LDLRAD4: variants seen among roughly 807,000 people sequenced by gnomAD.
LDLRAD4 encodes the protein low-density lipoprotein receptor class A domain-containing protein 4.
LDLRAD4 carries 5 observed loss-of-function variants against 17.0 expected under a neutral mutation model. That is an observed-to-expected ratio of 0.29 (90% CI 0.15 to 0.62). The LOEUF is 0.62. LDLRAD4 is among the 20% of genes least tolerant of loss of function. The pLI is 0.84. For synonymous variants in LDLRAD4, 168 were observed against 171.8 expected, an observed-to-expected ratio of 0.98 and a Z score of 0.17; for missense variants, 340 against 424.7, an observed-to-expected ratio of 0.80 and a Z score of 1.75.
exon 6 of LDLRAD4, chr18:13,649,571 G>A (rs191864660): frequency 6.6e-6 from 1 of 152,652 alleles, no homozygotes; most frequent in Non-Finnish European, 1.5e-5. Context: ...CAGGCTCAGA[G>A]ACATTCTGCT....
chr18:13,341,805 A>G (rs9957082), intron 1 of LDLRAD4, among the ~76,000 whole-genome samples: 13,200 of 152,150 alleles, frequency 0.087, 1,626 homozygotes, highest in African/African-American at 0.27. Context: ...TTCTTGTCTT[A>G]TTCCTTATCT....
intron 3 of LDLRAD4, among the ~76,000 whole-genome samples, chr18:13,561,135 G>T (rs1159009951): frequency 1.5e-5 from 1 of 65,102 alleles, no homozygotes; most frequent in Non-Finnish European, 3.6e-5. Flanking sequence ...GGAACATCCT[G>T]CAGATATTCA....
intron 3 of LDLRAD4, among the ~76,000 whole-genome samples, chr18:13,603,225 C>T (rs1395576957): frequency 1.3e-5 from 2 of 152,132 alleles, no homozygotes; most frequent in African/African-American, 2.4e-5. Flanking sequence ...CAGTTTGTTT[C>T]TAGGACCATC....
At chr18:13,327,205 G>A (rs2081583104) in intron 1 of LDLRAD4, among the ~76,000 whole-genome samples, 1 of 152,062 alleles carries the variant, frequency 6.6e-6, no homozygotes, top group Non-Finnish European at 1.5e-5. Context: ...AAATGATGAT[G>A]TTAGTGATGG....
At chr18:13,353,691 A>G (rs1335191108) in intron 1 of LDLRAD4, among the ~76,000 whole-genome samples, 1 of 152,234 alleles carries the variant, frequency 6.6e-6, no homozygotes, top group Non-Finnish European at 1.5e-5. Context: ...AAATTAGGTC[A>G]GGTCTACTCC....
At chr18:13,596,593 C>T (rs937412643) in intron 3 of LDLRAD4, among the ~76,000 whole-genome samples, 2 of 152,112 alleles carry the variant, frequency 1.3e-5, no homozygotes, top group Non-Finnish European at 2.9e-5. Flanking sequence ...TTTATGCTCT[C>T]CTTGTTATAC....
intron 2 of LDLRAD4, among the ~76,000 whole-genome samples, chr18:13,392,729 T>G (rs967077094): frequency 6.6e-6 from 1 of 152,222 alleles, no homozygotes; most frequent in Non-Finnish European, 1.5e-5. Context: ...TTAATTTTCT[T>G]AGGCTTTTTA....
chr18:13,273,896 G>A (rs1393261938), upstream of LDLRAD4, among the ~76,000 whole-genome samples: 1 of 152,114 alleles, frequency 6.6e-6, no homozygotes, highest in Non-Finnish European at 1.5e-5. Flanking sequence ...GCTTCTTAGG[G>A]GCCCATGGCT....
At chr18:13,416,493 C>CT (rs2145779865) in intron 2 of LDLRAD4, among the ~76,000 whole-genome samples, 1 of 152,290 alleles carries the variant, frequency 6.6e-6, no homozygotes, top group African/African-American at 2.4e-5. Context: ...GATCACGTCT[C>CT]TGCTATAGAG....
intron 3 of LDLRAD4, among the ~76,000 whole-genome samples, chr18:13,586,229 A>G (rs1043033613): frequency 4.0e-5 from 6 of 151,610 alleles, no homozygotes; most frequent in Non-Finnish European, 8.8e-5. Context: ...CCAACATGGC[A>G]AAACCCCGTC....
At chr18:13,642,882 C>T (rs957417354) in intron 4 of LDLRAD4, 2 of 483,124 alleles carry the variant, frequency 4.1e-6, no homozygotes, top group Non-Finnish European at 6.6e-6. Context: ...GGCTCTTTCT[C>T]GCTCCACGTT....
At chr18:13,602,468 C>T (rs184218117) in intron 3 of LDLRAD4, among the ~76,000 whole-genome samples, 3 of 149,404 alleles carry the variant, frequency 2.0e-5, no homozygotes. Flanking sequence ...TTTTATCAGA[C>T]ATCATTCTTA....
At chr18:13,483,604 G>A (rs1221248576) in intron 3 of LDLRAD4, among the ~76,000 whole-genome samples, 1 of 152,170 alleles carries the variant, frequency 6.6e-6, no homozygotes, top group Non-Finnish European at 1.5e-5. Flanking sequence ...CAGGCTTCTG[G>A]CCCCTAGTCG....
intron 1 of LDLRAD4, among the ~76,000 whole-genome samples, chr18:13,250,773 G>C (rs1304154022): frequency 1.3e-5 from 2 of 152,180 alleles, no homozygotes; most frequent in Non-Finnish European, 2.9e-5. Context: ...GGACTGGATG[G>C]CTTCATTGCT....
intron 5 of LDLRAD4, among the ~76,000 whole-genome samples, chr18:13,644,204 T>TA (rs2042862361): frequency 6.6e-6 from 1 of 152,142 alleles, no homozygotes; most frequent in African/African-American, 2.4e-5. Flanking sequence ...CTTCTCTAAG[T>TA]AATTAATAAA....
chr18:13,321,908 G>T (rs377576382), intron 1 of LDLRAD4, among the ~76,000 whole-genome samples: 1 of 92,350 alleles, frequency 1.1e-5, no homozygotes, highest in South Asian at 4.1e-4. Context: ...AAAAAGAAAA[G>T]AAAAAGAATA....
chr18:13,422,868 C>T (rs1188785662), intron 2 of LDLRAD4, among the ~76,000 whole-genome samples: 3 of 152,218 alleles, frequency 2.0e-5, no homozygotes, highest in Admixed American at 2.0e-4. Flanking sequence ...TGGGCTGTAG[C>T]TGCTTGCCGC....
intron 3 of LDLRAD4, among the ~76,000 whole-genome samples, chr18:13,512,313 A>G (rs759199554): frequency 5.9e-5 from 9 of 152,184 alleles, no homozygotes; most frequent in African/African-American, 1.2e-4. Flanking sequence ...AAAACCCTAC[A>G]TAACTATAGC....
chr18:13,393,484 C>T (rs2086428237), intron 2 of LDLRAD4, among the ~76,000 whole-genome samples: 1 of 152,150 alleles, frequency 6.6e-6, no homozygotes, highest in Admixed American at 6.5e-5. Context: ...TGGGGGTCGC[C>T]TCCTGCCATC....
Sources: gnomAD v4.1 joint callset for allele counts (sites outside exome capture counted in the v4.1 genomes callset) on GRCh38, gnomAD v4.1.1 for gene constraint, MANE v1.5 for transcripts, NCBI Gene and HGNC (gene_info 2026-07-23, HGNC 2026-07-21) for gene names.